Variants in GBP3 observed in about 807,000 individuals in gnomAD.
The protein encoded by GBP3 is guanylate binding protein 3, also known as guanylate-binding protein 3.
GBP3 carries 55 observed loss-of-function variants against 62.4 expected under a neutral mutation model. The ratio of observed to expected loss-of-function variants is 0.88; its 90% CI spans 0.71 to 1.10. The LOEUF is 1.10. GBP3 is among the 50% of genes least tolerant of loss of function. GBP3 has a pLI of 0.00. For missense variants in GBP3, 605 were observed against 690.6 expected, an observed-to-expected ratio of 0.88 and a Z score of 1.39; for synonymous variants, 208 against 259.2, an observed-to-expected ratio of 0.80 and a Z score of 1.90.
At chr1:89,015,570 G>A (rs1678840817) in intron 2 of GBP3, among the ~76,000 whole-genome samples, 156 bp from the exon 3 acceptor site, 1 of 151,828 alleles carries the variant, frequency 6.6e-6, no homozygotes, top group Admixed American at 6.6e-5. Context: ...AGAAAAATTT[G>A]AATATCCAGT....
chr1:89,006,732 T>G lies in GBP3; in HGVS notation c.*992A>C, dbSNP rs1470372890. The G allele has an allele frequency of 6.6e-6, 1 of 152,204 alleles. No homozygotes were observed. The highest frequency in any genetic ancestry group is 1.5e-5 in the Non-Finnish European group (1 of 68,024). 9.4% of individuals were successfully genotyped at this position (152,204 alleles called of 1,614,324 possible). On this transcript the variant is annotated 3_prime_UTR_variant, in exon 11 of 11. Coordinates refer to ENST00000370481, the MANE Select transcript of GBP3 (RefSeq NM_018284.3). Reference sequence around the variant, plus strand: ...GTTCAAAAATAATCTGTAATTGCTGTAAGAAATGTCAACCACTTACCTAGG... The same window carrying G: ...GTTCAAAAATAATCTGTAATTGCTGGAAGAAATGTCAACCACTTACCTAGG...
chr1:89,015,378 T>C lies in GBP3; in HGVS notation c.227A>G (p.Lys76Arg), dbSNP rs760082886. 4.3e-6 allele frequency: 7 copies of C among 1,613,506 alleles called. No individual in the cohort carries two copies. Among genetic ancestry groups the C allele is most frequent in the East Asian group, 2.2e-5 (1 of 44,840 alleles). The part of the protein sequence containing the change: ...SLGSTVKSHT[K>R]GIWMWCVPHP... ...AGGCACACACCACATCCAGATTCCT[T>C]TGGTGTGAGATTTCACTGTGGAGCC... The change falls in exon 3 of 11, where the codon AAA (lysine) becomes AGA (arginine). Residue 76 changes from lysine to arginine, a missense_variant. Physicochemically the swap from Lys to Arg is conservative, Grantham distance 26. Around this residue, in one of 3 missense-constraint regions of GBP3, gnomAD observed 308 missense variants for 318.0 expected, o/e 0.97. Coordinates refer to ENST00000370481, the MANE Select transcript of GBP3 (RefSeq NM_018284.3).
At chr1:89,020,808 A>C in intron 1 of GBP3, 65 bp from the exon 2 acceptor site, 1 of 1,458,452 alleles carries the variant, frequency 6.9e-7, no homozygotes, top group African/African-American at 1.4e-5. Flanking sequence ...ATAGAGTCAC[A>C]GAATTCCCCA....
chr1:89,019,975 A>T (rs1159661724), intron 2 of GBP3, among the ~76,000 whole-genome samples: 2 of 152,232 alleles, frequency 1.3e-5, no homozygotes, highest in African/African-American at 4.8e-5. Flanking sequence ...AACCTTAAAG[A>T]TCAGTGTAAA....
At chr1:89,013,971 A>G in intron 5 of GBP3, 112 bp downstream of exon 5, 14 of 1,174,918 alleles carry the variant, frequency 1.2e-5, no homozygotes, top group Non-Finnish European at 1.7e-5. Context: ...TAAGAATAGC[A>G]AGCTAGAGAT....
At position 89,021,788 on chromosome 1, in the gene GBP3, T is replaced by TGAGAGAGAGAGAGAGAGA. The variant is rs146229731; in HGVS notation, c.-23+878_-23+895dup. ...GGACGAGGAGAAAGGGCTGGAAAGA[T>TGAGAGAGAGAGAGAGAGA]GAGAGAGAGAGAGAGAGAGAGAGAG... On this transcript the variant is annotated intron_variant, in intron 1 of 10. Coordinates refer to ENST00000370481, the MANE Select transcript of GBP3 (RefSeq NM_018284.3). Among the ~76,000 whole-genome samples, 83 of 65,352 alleles carry TGAGAGAGAGAGAGAGAGA rather than the reference T, an allele frequency of 1.3e-3. 10 individuals are homozygous for TGAGAGAGAGAGAGAGAGA. The highest frequency in any genetic ancestry group is 2.7e-3 in the South Asian group (3 of 1,128). The allele number at this position is 65,352 out of a possible 152,430, so 42.9% of individuals were successfully genotyped here.
rs1678385947 is a variant in GBP3, at chr1:89,008,882, G to C, written c.1659+65C>G. 1.9e-6 allele frequency: 3 copies of C among 1,610,852 alleles called. No individual in the cohort carries two copies. In the East Asian group the frequency reaches 6.7e-5, roughly 36 times the overall value. On this transcript the variant is annotated intron_variant, in intron 10 of 10. Coordinates refer to ENST00000370481, the MANE Select transcript of GBP3 (RefSeq NM_018284.3). ...CTTTATGTTCGCTCTGCCATACTAAGTTTGTGATCAGGAAGAACAGAGAGA... is the reference window on the plus strand; with the variant it reads ...CTTTATGTTCGCTCTGCCATACTAACTTTGTGATCAGGAAGAACAGAGAGA...
chr1:89,016,191 A>G lies in GBP3; in HGVS notation c.191-777T>C, dbSNP rs567571943. 1.1e-4 allele frequency among the ~76,000 whole-genome samples: 16 copies of G among 152,316 alleles called. No homozygotes were observed. The South Asian group carries it at 3.3e-3, about 32-fold the overall frequency. Reference sequence around the variant, plus strand: ...TTTTGAAAGCAATCCCATTTAACATACCACCAAAAGGGCAAACTACTTCAG... The same window carrying G: ...TTTTGAAAGCAATCCCATTTAACATGCCACCAAAAGGGCAAACTACTTCAG... On this transcript the variant is annotated intron_variant, in intron 2 of 10. Coordinates refer to ENST00000370481, the MANE Select transcript of GBP3 (RefSeq NM_018284.3).
At chr1:89,017,780 C>CA (rs143304488) in intron 2 of GBP3, among the ~76,000 whole-genome samples, 4 of 151,762 alleles carry the variant, frequency 2.6e-5, no homozygotes, top group Admixed American at 2.0e-4. Flanking sequence ...TGGTGACTAT[C>CA]AAAAAAAATT....
intron 2 of GBP3, among the ~76,000 whole-genome samples, chr1:89,018,436 C>T (rs1371319191): frequency 6.6e-6 from 1 of 152,162 alleles, no homozygotes; most frequent in Non-Finnish European, 1.5e-5. Flanking sequence ...TCTTCTAGGC[C>T]TCTTTAGGGT....
chr1:89,021,544 A>ACCCCC (rs57313061), intron 1 of GBP3, among the ~76,000 whole-genome samples: 3 of 141,052 alleles, frequency 2.1e-5, no homozygotes, highest in East Asian at 2.1e-4. Flanking sequence ...ACACACACAC[A>ACCCCC]CCCCAAAAAA....
Position 89,020,746 on chromosome 1 carries a change from G to A in GBP3, c.-22-3C>T. ...TGTCCAGGGCATTGTTCTCTTGTCT[G>A]CAAGGGAAGAGTTGGAATGAATTAG... On this transcript the variant is annotated splice_region_variant and splice_polypyrimidine_tract_variant and intron_variant, in intron 1 of 10. Transcript: ENST00000370481. The A allele has an allele frequency of 6.2e-7, 1 of 1,603,518 alleles. No individual in the cohort carries two copies. The highest frequency in any genetic ancestry group is 8.5e-7 in the Non-Finnish European group (1 of 1,171,770).
In GBP3 at chr1:89,014,168, C is replaced by T. The variant is rs749859692; in HGVS notation, c.540G>A (p.Leu180=). The change falls in exon 5 of 11, where the codon CTG becomes CTA. Residue 180 remains leucine (L), a synonymous_variant. Coordinates refer to ENST00000370481, the MANE Select transcript of GBP3 (RefSeq NM_018284.3). ...CTTCCAAGTCCAGGGAGAAATCTCT[C>T]AGTGTCCACACAAAATCTGGGAAGA... is the stretch of plus-strand genomic sequence containing the variant. ...VSFFPDFVWT[L]RDFSLDLEAD... is the part of the protein sequence containing the mutation. The T allele has an allele frequency of 1.1e-5, 17 of 1,614,098 alleles. No homozygotes were observed. The African/African-American group carries it at 1.9e-4, about 18-fold the overall frequency.
intron 2 of GBP3, among the ~76,000 whole-genome samples, chr1:89,015,693 G>C (rs1678846159): frequency 7.0e-6 from 1 of 142,022 alleles, no homozygotes; most frequent in Non-Finnish European, 1.5e-5. Context: ...GCAGTGAGCT[G>C]AGATAGCACC....
rs1049271646 is a variant in GBP3 at position 89,011,924 on chromosome 1, G to A, written c.972C>T (p.Ala324=). ...VLALAQIENS[A]AVQKAIAHYD... The stretch of plus-strand genomic sequence containing the variant: ...AGTGGGCAATAGCCTTTTGCACTGC[G>A]GCTGAGTTCTCTATCTGGGCCAAGG... The change falls in exon 7 of 11, where the codon GCC becomes GCT. Residue 324 remains alanine, a synonymous_variant. Coordinates refer to ENST00000370481, the MANE Select transcript of GBP3 (RefSeq NM_018284.3). The A allele has an allele frequency of 4.8e-6, 7 of 1,462,112 alleles. 1 individual carries two copies. The Admixed American group carries it at 7.1e-5, about 15-fold the overall frequency. 90.6% of individuals were successfully genotyped at this position (1,462,112 alleles called of 1,614,324 possible). A position where few individuals can be genotyped will look rare whatever the true frequency, so the allele number is the denominator to read the frequency against.
rs575827877 is a variant in GBP3, at chr1:89,011,670, A to G, written c.1149+77T>C. ...ATCTAGAATAATTATTTGTCTCAAA[A>G]TAAATACCAATTTCATTTCTTAGTA... On this transcript the variant is annotated intron_variant, in intron 7 of 10. Coordinates refer to ENST00000370481, the MANE Select transcript of GBP3 (RefSeq NM_018284.3). 19 of 1,385,772 alleles carry G rather than the reference A, an allele frequency of 1.4e-5. 2 individuals carry two copies. The African/African-American group carries it at 2.6e-4, about 19-fold the overall frequency. The allele number at this position is 1,385,772 out of a possible 1,614,324, so 85.8% of individuals were successfully genotyped here.
Position 89,013,292 on chromosome 1 carries a change from T to G in GBP3, c.761A>C (p.Glu254Ala), listed in dbSNP as rs762195381. ...TTGCACAAATTCAGGGTCCAGCTCT[T>G]CATCTTGTAGTTTCTCAAGCTGGGC... is the stretch of plus-strand genomic sequence containing the variant. ...KLAQLEKLQD[E>A]ELDPEFVQQV... Residue 254 changes from glutamate to alanine, a missense_variant, in exon 6 of 11, where the codon GAA becomes GCA. By Grantham distance (107) the Glu-to-Ala change is moderately radical. Transcript: ENST00000370481. 6.2e-7 allele frequency: 1 copy of G among 1,614,240 alleles called. No individual in the cohort carries two copies. The highest frequency in any genetic ancestry group is 8.5e-7 in the Non-Finnish European group (1 of 1,180,040).
intron 2 of GBP3, among the ~76,000 whole-genome samples, chr1:89,019,844 T>C (rs1224948664): frequency 6.6e-6 from 1 of 152,170 alleles, no homozygotes; most frequent in Admixed American, 6.6e-5. Flanking sequence ...GCACAACAAT[T>C]TGAATTTAAT....
chr1:89,011,757 T>C lies in GBP3; in HGVS notation c.1139A>G (p.Lys380Arg). 1 of 1,462,488 alleles carries C rather than the reference T, an allele frequency of 6.8e-7. No homozygotes were observed. The highest frequency in any genetic ancestry group is 1.8e-5 in the Admixed American group (1 of 56,090). The allele number at this position is 1,462,488 out of a possible 1,614,324, so 90.6% of individuals were successfully genotyped here. ...TGATAGAAAAATTACCGCTAATTTC[T>C]TTTGAAACAGATGGTCCACATCCTT... ...SFKDVDHLFQ[K>R]KLAAQLDKKR... The change falls in exon 7 of 11, where the codon AAG (lysine) becomes AGG (arginine). Residue 380 changes from lysine to arginine, a missense_variant. Lys to Arg is a conservative substitution (Grantham distance 26, BLOSUM62 2). Around this residue, in one of 3 missense-constraint regions of GBP3, gnomAD observed 137 missense variants for 224.7 expected, o/e 0.61. Coordinates refer to ENST00000370481, the MANE Select transcript of GBP3 (RefSeq NM_018284.3).
Sources: allele counts gnomAD v4.1 joint callset (sites outside exome capture counted in the v4.1 genomes callset), GRCh38; gene constraint gnomAD v4.1.1; regional missense constraint gnomAD v4.1.1; transcripts MANE v1.5; gene names NCBI Gene and HGNC (gene_info 2026-07-23, HGNC 2026-07-21).